Variants in TEAD1 observed in about 807,000 individuals in gnomAD.
The protein encoded by TEAD1 is TEA domain transcription factor 1.
In TEAD1, 9 loss-of-function variants were observed where a neutral mutation model predicts 54.9. The ratio of observed to expected loss-of-function variants is 0.16; its 90% CI spans 0.10 to 0.29. The LOEUF (loss-of-function observed/expected upper bound fraction) is 0.29, where lower values mean the gene tolerates loss of function less well. TEAD1 is among the 10% of genes least tolerant of loss of function. The probability of loss-of-function intolerance (pLI) is 1.00; values close to 1 mark genes in which losing one functional copy is unlikely to be tolerated. For missense variants in TEAD1, 387 were observed against 535.9 expected (o/e 0.72, Z 2.74); for synonymous variants, 200 against 187.8 (o/e 1.07, Z -0.53).
chr11:12,808,720 A>G (rs1437201947), intron 3 of TEAD1, among the ~76,000 whole-genome samples: 1 of 152,194 alleles, frequency 6.6e-6, no homozygotes, highest in Non-Finnish European at 1.5e-5. Context: ...TTTCCTGAAT[A>G]GGCACAGCTG....
At chr11:12,855,399 C>G (rs1296484767) in intron 3 of TEAD1, among the ~76,000 whole-genome samples, 1 of 152,118 alleles carries the variant, frequency 6.6e-6, no homozygotes, top group Non-Finnish European at 1.5e-5. Context: ...AAGCGACTCT[C>G]CTGCCTCAGC....
At chr11:12,878,732 AC>A (rs959908656) in intron 5 of TEAD1, among the ~76,000 whole-genome samples, 2 of 151,602 alleles carry the variant, frequency 1.3e-5, no homozygotes, top group African/African-American at 2.4e-5. Context: ...AAAGGCCCAC[AC>A]CCCTATGCAT....
intron 3 of TEAD1, among the ~76,000 whole-genome samples, chr11:12,817,243 C>T (rs1046422556): frequency 5.9e-5 from 9 of 152,122 alleles, no homozygotes; most frequent in South Asian, 2.1e-4. Context: ...TCAGAGCATG[C>T]GTAGCTTGAA....
At chr11:12,906,412 G>C (rs1156661373) in intron 10 of TEAD1, among the ~76,000 whole-genome samples, 1 of 151,692 alleles carries the variant, frequency 6.6e-6, no homozygotes, top group Non-Finnish European at 1.5e-5. Flanking sequence ...GTGGTGGCGG[G>C]CCCCTCTAGT....
chr11:12,889,409 G>A (rs1392417043), intron 9 of TEAD1, among the ~76,000 whole-genome samples: 8 of 152,168 alleles, frequency 5.3e-5, no homozygotes, highest in Non-Finnish European at 8.8e-5. Flanking sequence ...CCCCCACCAG[G>A]GCAGCAGCTG....
rs114655071 is a variant in TEAD1 at position 12,760,885 on chromosome 11, T to G, written c.-54-3294T>G. 3.0e-3 allele frequency among the ~76,000 whole-genome samples: 451 copies of G among 152,258 alleles called. 1 individual carries two copies. Among genetic ancestry groups the G allele is most frequent in the African/African-American group, 9.8e-3 (409 of 41,540 alleles). On this transcript the variant is annotated intron_variant, in intron 2 of 12. Coordinates refer to ENST00000527636, the MANE Select transcript of TEAD1 (RefSeq NM_021961.6). ...CATTTCTCAGCCAGCCCCAGTCTTG[T>G]GTTAGGAAATTCTCTGCCCATATGT... is the stretch of plus-strand genomic sequence containing the variant.
chr11:12,891,720 G>C (rs1465438801), intron 9 of TEAD1, among the ~76,000 whole-genome samples: 1 of 152,252 alleles, frequency 6.6e-6, no homozygotes, highest in African/African-American at 2.4e-5. Context: ...AGATGGCAGG[G>C]TTGACTATTT....
intron 3 of TEAD1, among the ~76,000 whole-genome samples, chr11:12,803,081 C>G (rs1946095910): frequency 6.6e-6 from 1 of 151,604 alleles, no homozygotes; most frequent in South Asian, 2.1e-4. Context: ...GAAGTTGCGC[C>G]TGCCTAACAT....
At chr11:12,841,735 G>A (rs545663459) in intron 3 of TEAD1, among the ~76,000 whole-genome samples, 2 of 152,322 alleles carry the variant, frequency 1.3e-5, no homozygotes, top group South Asian at 4.1e-4. Flanking sequence ...TTCTCTGCAT[G>A]TGTTTGGAAG....
intron 2 of TEAD1, among the ~76,000 whole-genome samples, chr11:12,697,749 C>CGTG (rs1319413265): frequency 6.6e-6 from 1 of 152,150 alleles, no homozygotes; most frequent in East Asian, 1.9e-4. Context: ...GAGGGCTGGG[C>CGTG]GTGGTGGCTC....
intron 3 of TEAD1, among the ~76,000 whole-genome samples, chr11:12,847,776 C>T (rs1344876747): frequency 2.0e-5 from 3 of 152,106 alleles, no homozygotes; most frequent in Non-Finnish European, 4.4e-5. Context: ...CCTGTCTTGG[C>T]CTCCCAAGGT....
At position 12,749,118 on chromosome 11, in the gene TEAD1, C is replaced by G. The variant is rs554807837; in HGVS notation, c.-54-15061C>G. ...GGTGTCAGGGCCCACTGTGCCAGAA[C>G]TGTGTGTGTGTGAGGATTTGCGCTG... On this transcript the variant is annotated intron_variant, in intron 2 of 12. Coordinates refer to ENST00000527636, the MANE Select transcript of TEAD1 (RefSeq NM_021961.6). Among the ~76,000 whole-genome samples the G allele has an allele frequency of 3.9e-5, 6 of 152,100 alleles. No individual in the cohort carries two copies. The South Asian group carries it at 8.3e-4, about 21-fold the overall frequency.
intron 5 of TEAD1, among the ~76,000 whole-genome samples, chr11:12,877,699 C>T (rs903063452): frequency 2.0e-5 from 3 of 152,000 alleles, no homozygotes; most frequent in South Asian, 2.1e-4. Context: ...TGTTAGGCTC[C>T]GTTTTCTTTT....
At chr11:12,919,655 G>A (rs1195331367) in intron 10 of TEAD1, among the ~76,000 whole-genome samples, 3 of 151,310 alleles carry the variant, frequency 2.0e-5, no homozygotes, top group African/African-American at 4.9e-5. Flanking sequence ...CACCATGTCC[G>A]GCTAATTAAA....
chr11:12,831,053 C>T (rs1946768635), intron 3 of TEAD1, among the ~76,000 whole-genome samples: 1 of 152,176 alleles, frequency 6.6e-6, no homozygotes, highest in African/African-American at 2.4e-5. Flanking sequence ...AGGCTAGTTC[C>T]AGCCGTTCAG....
At chr11:12,690,363 AACCAGATC>A (rs1242130648) in intron 2 of TEAD1, among the ~76,000 whole-genome samples, 1 of 152,154 alleles carries the variant, frequency 6.6e-6, no homozygotes, top group Non-Finnish European at 1.5e-5. Flanking sequence ...GAGGGTCCCA[AACCAGATC>A]AACAGGTTAT....
chr11:12,726,456 C>T (rs1410508673), intron 2 of TEAD1, among the ~76,000 whole-genome samples: 2 of 152,150 alleles, frequency 1.3e-5, no homozygotes, highest in Non-Finnish European at 2.9e-5. Flanking sequence ...GAGTCACCAA[C>T]CTTGTGCGCT....
rs193207350 is a variant in TEAD1, at chr11:12,694,461, G to A, written c.-55+18900G>A. Among the ~76,000 whole-genome samples the A allele has an allele frequency of 6.6e-3, 974 of 148,506 alleles. 5 individuals are homozygous for A. The highest frequency in any genetic ancestry group is 0.017 in the Middle Eastern group (5 of 294). ...GCCAGTCTTCCTGACTTCAGAATCA[G>A]TTTTATAACTGTTTTATTAAATATT... is the stretch of plus-strand genomic sequence containing the variant. On this transcript the variant is annotated intron_variant, in intron 2 of 12. Coordinates refer to ENST00000527636, the MANE Select transcript of TEAD1 (RefSeq NM_021961.6).
At chr11:12,725,951 T>C (rs1251054192) in intron 2 of TEAD1, among the ~76,000 whole-genome samples, 5 of 152,098 alleles carry the variant, frequency 3.3e-5, no homozygotes, top group African/African-American at 1.2e-4. Flanking sequence ...GAGTGAGAGA[T>C]TTTGTGTTGG....
Sources: allele counts gnomAD v4.1 joint callset (sites outside exome capture counted in the v4.1 genomes callset), GRCh38; gene constraint gnomAD v4.1.1; transcripts MANE v1.5; gene names NCBI Gene and HGNC (gene_info 2026-07-23, HGNC 2026-07-21).